The following SSH2 variants were observed in gnomAD, a reference collection of about 807,000 sequenced individuals.
SSH2 encodes protein phosphatase Slingshot homolog 2.
A neutral mutation model predicts 135.2 loss-of-function variants in SSH2; 37 were observed. The ratio of observed to expected loss-of-function variants is 0.27; its 90% CI spans 0.21 to 0.36. SSH2 has a LOEUF of 0.36. Ranked by LOEUF, SSH2 falls within the 10% of genes least tolerant of loss-of-function variation. The pLI is 1.00. For missense variants in SSH2, 1,408 were observed against 1,765.3 expected (o/e 0.80, Z 3.63); for synonymous variants, 628 against 646.2 (o/e 0.97, Z 0.43).
Position 29,873,542 on chromosome 17 carries a change from G to C in SSH2, c.64-24613C>G, listed in dbSNP as rs529915845. ...CTGCTGCACTCCAGCTTGGGAGACA[G>C]AGCCAGACTATGTTTAAAAAAAAAA... On this transcript the variant is annotated intron_variant, in intron 1 of 15. Transcript: ENST00000540801. Among the ~76,000 whole-genome samples, 7 of 151,374 alleles carry C rather than the reference G, an allele frequency of 4.6e-5. No individual in the cohort carries two copies. In the South Asian group the frequency reaches 1.5e-3, roughly 32 times the overall value.
intron 3 of SSH2, chr17:29,793,608 G>A (rs2151304591): frequency 4.2e-6 from 1 of 240,578 alleles, no homozygotes; most frequent in Non-Finnish European, 8.0e-6. Context: ...GTCAGTAACT[G>A]GATTCCTAAA....
chr17:29,772,242 A>G (rs753987837), intron 3 of SSH2, among the ~76,000 whole-genome samples: 5 of 150,806 alleles, frequency 3.3e-5, no homozygotes, highest in African/African-American at 7.3e-5. Context: ...AACTAAAATC[A>G]GGTCTTTTTT....
At position 29,734,316 on chromosome 17, in the gene SSH2, C is replaced by T. The variant is rs566940118; in HGVS notation, c.189-31254G>A. Among the ~76,000 whole-genome samples the T allele has an allele frequency of 5.3e-5, 8 of 152,200 alleles. No individual in the cohort carries two copies. In the East Asian group the frequency reaches 9.7e-4, roughly 18 times the overall value. ...CTTGAGAAAGCCCAGAAATTGCCAG[C>T]GCAAATAAGCAAATGGCAAGTTGGC... On this transcript the variant is annotated intron_variant, in intron 3 of 15. Coordinates refer to ENST00000540801, the MANE Select transcript of SSH2 (RefSeq NM_001282129.2).
chr17:29,926,146 T>C (rs1038275160), intron 1 of SSH2, among the ~76,000 whole-genome samples: 22 of 152,144 alleles, frequency 1.4e-4, no homozygotes, highest in Non-Finnish European at 4.4e-5. Flanking sequence ...TGGGCATTTA[T>C]TACCTCACAC....
intron 2 of SSH2, 52 bp downstream of exon 2, chr17:29,848,797 T>A: frequency 8.2e-7 from 1 of 1,214,366 alleles, no homozygotes; most frequent in Non-Finnish European, 1.2e-6. Flanking sequence ...ATTTACCCAA[T>A]AAGATTTTAC....
chr17:29,800,773 T>C (rs1029070386), intron 2 of SSH2, among the ~76,000 whole-genome samples: 1 of 151,906 alleles, frequency 6.6e-6, no homozygotes, highest in African/African-American at 2.4e-5. Context: ...GTATAATTAC[T>C]TCTTATGTTC....
chr17:29,737,438 G>C (rs927488039), intron 3 of SSH2, among the ~76,000 whole-genome samples: 2 of 152,014 alleles, frequency 1.3e-5, no homozygotes, highest in African/African-American at 2.4e-5. Flanking sequence ...GCTGTGACTT[G>C]GTCTTTTTTT....
intron 2 of SSH2, among the ~76,000 whole-genome samples, chr17:29,841,185 G>A (rs1184619797): frequency 6.6e-6 from 1 of 152,138 alleles, no homozygotes; most frequent in Admixed American, 6.5e-5. Context: ...CCTGATCTAG[G>A]TACAGGTTAC....
intron 2 of SSH2, among the ~76,000 whole-genome samples, chr17:29,845,134 T>C (rs933464994): frequency 2.0e-5 from 3 of 152,274 alleles, no homozygotes; most frequent in Non-Finnish European, 2.9e-5. Flanking sequence ...TTCATACTTC[T>C]GTTATCCCAA....
chr17:29,883,669 T>A (rs2066180492), intron 1 of SSH2, among the ~76,000 whole-genome samples: 1 of 152,022 alleles, frequency 6.6e-6, no homozygotes, highest in Non-Finnish European at 1.5e-5. Context: ...AGAGGATGAG[T>A]TAATTCTCTT....
At chr17:29,918,279 A>C (rs1291361123) in intron 1 of SSH2, among the ~76,000 whole-genome samples, 1 of 152,042 alleles carries the variant, frequency 6.6e-6, no homozygotes, top group African/African-American at 2.4e-5. Context: ...TTGCTTTCTG[A>C]CTCTGACAAA....
intron 2 of SSH2, among the ~76,000 whole-genome samples, chr17:29,815,179 C>T (rs1306506974): frequency 6.8e-6 from 1 of 146,474 alleles, no homozygotes; most frequent in Admixed American, 7.0e-5. Flanking sequence ...GGCTGGAGTG[C>T]AGTGGCTCCA....
At chr17:29,829,603 C>A (rs2042805153) in intron 2 of SSH2, among the ~76,000 whole-genome samples, 1 of 152,112 alleles carries the variant, frequency 6.6e-6, no homozygotes, top group Admixed American at 6.6e-5. Flanking sequence ...CTTTAGCTTC[C>A]ATTTATTGTG....
intron 2 of SSH2, among the ~76,000 whole-genome samples, chr17:29,833,058 T>TTCTGTACCA (rs1271784002): frequency 6.6e-6 from 1 of 152,256 alleles, no homozygotes; most frequent in Admixed American, 6.5e-5. Flanking sequence ...AAAATGTGTA[T>TTCTGTACCA]TCTGTAGCCA....
intron 5 of SSH2, among the ~76,000 whole-genome samples, chr17:29,685,540 C>T (rs1488064590): frequency 1.3e-5 from 2 of 152,088 alleles, no homozygotes; most frequent in Non-Finnish European, 2.9e-5. Context: ...AATCCCAGCA[C>T]TTTGGGAGGC....
intron 1 of SSH2, among the ~76,000 whole-genome samples, chr17:29,887,436 G>A (rs1429195999): frequency 6.6e-6 from 1 of 152,182 alleles, no homozygotes; most frequent in Non-Finnish European, 1.5e-5. Context: ...TTCAAGACTG[G>A]AGTTTAAGAC....
intron 3 of SSH2, among the ~76,000 whole-genome samples, chr17:29,779,810 C>CA (rs56789691): frequency 0.023 from 453 of 19,572 alleles, 108 homozygotes; most frequent in Middle Eastern, 0.062. Flanking sequence ...GACTCTGTCT[C>CA]AAAAAAAAAA....
intron 3 of SSH2, among the ~76,000 whole-genome samples, chr17:29,764,144 T>G (rs2617876): frequency 0.44 from 67,284 of 151,810 alleles, 15,259 homozygotes; most frequent in Non-Finnish European, 0.49. Flanking sequence ...AGAAACAGGG[T>G]TTCACCATGT....
intron 11 of SSH2, among the ~76,000 whole-genome samples, chr17:29,666,591 G>C (rs1453376449): frequency 1.3e-5 from 2 of 152,108 alleles, no homozygotes; most frequent in Non-Finnish European, 2.9e-5. Context: ...GCTGAGGCAG[G>C]AGAATTGCTT....
Sources: gnomAD v4.1 joint callset for allele counts (sites outside exome capture counted in the v4.1 genomes callset) on GRCh38, gnomAD v4.1.1 for gene constraint, MANE v1.5 for transcripts, NCBI Gene and HGNC (gene_info 2026-07-23, HGNC 2026-07-21) for gene names.